Variants in SLC23A2 observed in about 807,000 individuals in gnomAD.
SLC23A2 encodes solute carrier family 23 member 2.
Under a neutral mutation model 73.3 loss-of-function variants are expected in SLC23A2, and 36 were observed. The observed-to-expected ratio is 0.49, with a 90% CI of 0.38 to 0.65. The LOEUF (loss-of-function observed/expected upper bound fraction) is 0.65. Among genes scored for constraint, SLC23A2 ranks in the 30% least tolerant of loss-of-function variants. The probability of loss-of-function intolerance (pLI) is 0.00; values close to 1 mark genes in which losing one functional copy is unlikely to be tolerated. For synonymous variants in SLC23A2, 343 were observed against 327.3 expected, an observed-to-expected ratio of 1.05 and a Z score of -0.52; for missense variants, 507 against 841.6, an observed-to-expected ratio of 0.60 and a Z score of 4.92.
chr20:4,911,037 A>G (rs1166819887), intron 4 of SLC23A2, among the ~76,000 whole-genome samples: 1 of 152,180 alleles, frequency 6.6e-6, no homozygotes, highest in Admixed American at 6.5e-5. Flanking sequence ...CCAGACAGAG[A>G]AGGAGGAAGT....
chr20:4,935,337 G>C (rs532534906), intron 2 of SLC23A2, among the ~76,000 whole-genome samples: 49 of 152,178 alleles, frequency 3.2e-4, no homozygotes, highest in African/African-American at 1.2e-3. Flanking sequence ...TGAATGCAGA[G>C]CCTAAAATGC....
intron 3 of SLC23A2, among the ~76,000 whole-genome samples, chr20:4,918,815 A>G (rs1174046061): frequency 6.6e-6 from 1 of 152,188 alleles, no homozygotes; most frequent in African/African-American, 2.4e-5. Flanking sequence ...TAAGAGAACC[A>G]CTTTATACTA....
chr20:4,917,968 T>G (rs1423595981), intron 3 of SLC23A2, among the ~76,000 whole-genome samples: 1 of 152,208 alleles, frequency 6.6e-6, no homozygotes, highest in African/African-American at 2.4e-5. Flanking sequence ...ATAGATACTC[T>G]AATGGCCTAT....
At chr20:4,992,459 A>C (rs2122331803) in intron 1 of SLC23A2, among the ~76,000 whole-genome samples, 1 of 152,114 alleles carries the variant, frequency 6.6e-6, no homozygotes, top group South Asian at 2.1e-4. Context: ...ATACCTATAA[A>C]ATTTAGGGAT....
intron 3 of SLC23A2, among the ~76,000 whole-genome samples, chr20:4,918,654 T>G (rs1932404991): frequency 6.6e-6 from 1 of 152,098 alleles, no homozygotes; most frequent in Non-Finnish European, 1.5e-5. Flanking sequence ...CTGACAGCTG[T>G]GTGTGCCCAC....
At chr20:4,907,954 A>G (rs1932016063) in intron 4 of SLC23A2, among the ~76,000 whole-genome samples, 1 of 152,178 alleles carries the variant, frequency 6.6e-6, no homozygotes, top group African/African-American at 2.4e-5. Flanking sequence ...AAATACAAAA[A>G]ACTATGAAAG....
chr20:4,984,655 C>T (rs114898492), intron 1 of SLC23A2, among the ~76,000 whole-genome samples: 11 of 152,172 alleles, frequency 7.2e-5, no homozygotes, highest in African/African-American at 1.4e-4. Flanking sequence ...CCAACAAGCA[C>T]ATGAAAAGGA....
chr20:4,965,152 T>C (rs2087455614), intron 2 of SLC23A2, among the ~76,000 whole-genome samples: 1 of 152,142 alleles, frequency 6.6e-6, no homozygotes, highest in Non-Finnish European at 1.5e-5. Context: ...ATATAGTCAG[T>C]GTGCTCCCGG....
intron 2 of SLC23A2, among the ~76,000 whole-genome samples, chr20:4,951,608 A>G (rs75680556): frequency 0.028 from 4,260 of 152,118 alleles, 199 homozygotes; most frequent in African/African-American, 0.098. Flanking sequence ...TTCATCGATG[A>G]TTGCCTGGGG....
At chr20:4,968,406 C>A (rs1049703435) in intron 2 of SLC23A2, among the ~76,000 whole-genome samples, 6 of 152,150 alleles carry the variant, frequency 3.9e-5, no homozygotes, top group African/African-American at 1.4e-4. Context: ...GTCAAAGTAG[C>A]CTTGAAAAGC....
In SLC23A2 at chr20:4,862,958, T is replaced by TCAC; in HGVS notation, c.1357-54_1357-52dup. ...AACAGGGACTCATCTCCATGCAAAATCACCGTAAGTTACTAAAGAACACAC... is the reference window on the plus strand; with the variant it reads ...AACAGGGACTCATCTCCATGCAAAATCACCACCGTAAGTTACTAAAGAACACAC... On this transcript the variant is annotated intron_variant, in intron 13 of 16. Transcript: ENST00000338244. The surrounding 1 kb of genome is among the most constrained non-coding windows in gnomAD (Gnocchi z 5.1). 1 of 1,576,538 alleles carries TCAC rather than the reference T, an allele frequency of 6.3e-7. No homozygotes were observed. The highest frequency in any genetic ancestry group is 8.7e-7 in the Non-Finnish European group (1 of 1,153,798).
intron 2 of SLC23A2, among the ~76,000 whole-genome samples, chr20:4,944,833 T>A (rs2087093004): frequency 6.6e-6 from 1 of 152,158 alleles, no homozygotes; most frequent in South Asian, 2.1e-4. Flanking sequence ...TTTGCTTAAA[T>A]CCCATTAAGG....
intron 8 of SLC23A2, among the ~76,000 whole-genome samples, chr20:4,884,463 C>A (rs1931018042): frequency 6.6e-6 from 1 of 152,214 alleles, no homozygotes; most frequent in Non-Finnish European, 1.5e-5. Flanking sequence ...TCTGTAGCTC[C>A]ATCCAGTGAG....
chr20:4,869,374 G>T (rs1034301762), intron 12 of SLC23A2, among the ~76,000 whole-genome samples: 2 of 144,938 alleles, frequency 1.4e-5, no homozygotes, highest in Non-Finnish European at 3.0e-5. Flanking sequence ...TGAAGAGCTT[G>T]TTTTGCTGGG....
chr20:4,885,245 G>A (rs1271904485), intron 7 of SLC23A2, among the ~76,000 whole-genome samples: 1 of 152,214 alleles, frequency 6.6e-6, no homozygotes, highest in African/African-American at 2.4e-5. Context: ...AGCAAGGAAG[G>A]AAATGAAGGC....
rs571237919 is a variant in SLC23A2 at position 4,972,587 on chromosome 20, G to T, written c.-281-1668C>A. ...GGGGGTTTTTTGGGGTTTTTTTGTT[G>T]TTGTTGTTGTTTTAAATGAGACAGA... On this transcript the variant is annotated intron_variant, in intron 1 of 16. Coordinates refer to ENST00000338244, the MANE Select transcript of SLC23A2 (RefSeq NM_005116.6). Among the ~76,000 whole-genome samples the T allele has an allele frequency of 3.5e-3, 520 of 149,208 alleles. 4 individuals are homozygous for T. Among genetic ancestry groups the T allele is most frequent in the African/African-American group, 0.012 (494 of 40,632 alleles).
At chr20:4,941,986 T>C (rs2087049545) in intron 2 of SLC23A2, among the ~76,000 whole-genome samples, 1 of 152,110 alleles carries the variant, frequency 6.6e-6, no homozygotes, top group African/African-American at 2.4e-5. Flanking sequence ...TTCCTGTTTT[T>C]ACTCCTCTAT....
rs1929741342 is a variant in SLC23A2 at position 4,857,083 on chromosome 20, T to C, written c.1842A>G (p.Arg614=). 6.2e-7 allele frequency: 1 copy of C among 1,613,796 alleles called. No individual in the cohort carries two copies. The highest frequency in any genetic ancestry group is 8.5e-7 in the Non-Finnish European group (1 of 1,179,858). ...GGCTGATGGGTAAGTAGCTGAAGCA[T>C]CTGTATTTTTTTATAATGTTCATGC... ...PFGMNIIKKY[R]CFSYLPISPT... Residue 614 remains arginine, a synonymous_variant, in exon 17 of 17, where the codon AGA becomes AGG. Transcript: ENST00000338244. This position sits in a 1 kb window ranked among gnomAD's most constrained non-coding sequence, Gnocchi z 4.0.
intron 13 of SLC23A2, 73 bp downstream of exon 13, chr20:4,867,697 C>T: frequency 2.8e-6 from 2 of 707,748 alleles, no homozygotes; most frequent in Non-Finnish European, 4.6e-6. Context: ...TTGGAACTTG[C>T]AGTGGCCAGA....
Sources: allele counts gnomAD v4.1 joint callset (sites outside exome capture counted in the v4.1 genomes callset), GRCh38; gene constraint gnomAD v4.1.1; non-coding constraint Gnocchi (gnomAD v3.1); transcripts MANE v1.5; gene names NCBI Gene and HGNC (gene_info 2026-07-23, HGNC 2026-07-21).